The following RFC3 variants were observed in gnomAD, a reference collection of about 807,000 sequenced individuals.
RFC3 encodes replication factor C subunit 3.
In RFC3, 41 loss-of-function variants were observed where a neutral mutation model predicts 45.1. The ratio of observed to expected loss-of-function variants is 0.91; its 90% CI spans 0.71 to 1.18. The LOEUF is 1.18. RFC3 is among the 50% of genes most tolerant of loss of function. RFC3 has a pLI of 0.00. For missense variants in RFC3, 423 were observed against 428.1 expected (o/e 0.99, Z 0.10); for synonymous variants, 149 against 144.0 (o/e 1.03, Z -0.25).
At chr13:33,938,015 G>A (rs369905080) in intron 8 of RFC3, among the ~76,000 whole-genome samples, 1 of 151,908 alleles carries the variant, frequency 6.6e-6, no homozygotes, top group Non-Finnish European at 1.5e-5. Context: ...AGAGAAGCAC[G>A]CCATGGGCTG....
intron 8 of RFC3, among the ~76,000 whole-genome samples, chr13:33,961,170 C>T (rs1387056188): frequency 2.0e-5 from 3 of 152,130 alleles, no homozygotes; most frequent in Non-Finnish European, 4.4e-5. Context: ...TCTGGCCACC[C>T]CGCCTATTAC....
chr13:33,945,124 G>T (rs1256993031), intron 8 of RFC3, among the ~76,000 whole-genome samples: 1 of 152,138 alleles, frequency 6.6e-6, no homozygotes, highest in East Asian at 1.9e-4. Context: ...TTAACATCCT[G>T]CTTTCTGATC....
chr13:33,946,246 T>C (rs1344304035), intron 8 of RFC3, among the ~76,000 whole-genome samples: 1 of 152,202 alleles, frequency 6.6e-6, no homozygotes, highest in Non-Finnish European at 1.5e-5. Context: ...TCCATCGTTA[T>C]CAAATAAATG....
At chr13:33,826,622 TA>T (rs1326119838) in intron 4 of RFC3, among the ~76,000 whole-genome samples, 1 of 152,200 alleles carries the variant, frequency 6.6e-6, no homozygotes, top group Non-Finnish European at 1.5e-5. Context: ...TATTTTTTGC[TA>T]CTATATATGG....
chr13:33,873,328 T>C (rs774895676), intron 8 of RFC3, among the ~76,000 whole-genome samples: 2 of 152,136 alleles, frequency 1.3e-5, no homozygotes, highest in African/African-American at 2.4e-5. Flanking sequence ...GTTGCACCCA[T>C]TTTACAGATT....
downstream of RFC3, among the ~76,000 whole-genome samples, chr13:33,969,137 T>C (rs1032904298): frequency 3.3e-5 from 5 of 152,248 alleles, no homozygotes; most frequent in African/African-American, 1.2e-4. Flanking sequence ...ATCTGTACTT[T>C]GATTGCCTTC....
intron 8 of RFC3, among the ~76,000 whole-genome samples, chr13:33,919,996 A>G (rs2082757789): frequency 6.6e-6 from 1 of 152,182 alleles, no homozygotes; most frequent in Non-Finnish European, 1.5e-5. Flanking sequence ...GGTGGCAGGC[A>G]TATAAAAGAT....
At chr13:33,858,985 C>T (rs74401277) in intron 8 of RFC3, among the ~76,000 whole-genome samples, 4 of 152,150 alleles carry the variant, frequency 2.6e-5, no homozygotes, top group East Asian at 3.9e-4. Flanking sequence ...CACACTCAGT[C>T]GTATGTGTCC....
intron 2 of RFC3, 76 bp downstream of exon 2, chr13:33,821,345 A>C: frequency 7.2e-7 from 1 of 1,387,670 alleles, no homozygotes; most frequent in Non-Finnish European, 1.0e-6. Flanking sequence ...TGTCCCCCCA[A>C]CTCAGTTGCT....
At chr13:33,916,775 C>T (rs1333662489) in intron 8 of RFC3, among the ~76,000 whole-genome samples, 1 of 148,418 alleles carries the variant, frequency 6.7e-6, no homozygotes, top group East Asian at 1.9e-4. Context: ...CATGTACATA[C>T]ACATATATAC....
intron 8 of RFC3, among the ~76,000 whole-genome samples, chr13:33,844,930 G>A (rs1030174777): frequency 1.3e-5 from 2 of 152,168 alleles, no homozygotes; most frequent in African/African-American, 4.8e-5. Flanking sequence ...CTTTCAGAGC[G>A]AAGAAATCCC....
chr13:33,839,439 T>C (rs1259114729), downstream of RFC3, among the ~76,000 whole-genome samples: 1 of 152,170 alleles, frequency 6.6e-6, no homozygotes, highest in Non-Finnish European at 1.5e-5. Context: ...AAGCTACATT[T>C]TTTACTGGCC....
chr13:33,874,127 G>A (rs1309460031), intron 8 of RFC3, among the ~76,000 whole-genome samples: 4 of 152,158 alleles, frequency 2.6e-5, no homozygotes, highest in Non-Finnish European at 5.9e-5. Flanking sequence ...CACATAAAGA[G>A]AGAAGTTGCA....
intron 8 of RFC3, among the ~76,000 whole-genome samples, chr13:33,898,377 T>C (rs2082615340): frequency 6.6e-6 from 1 of 151,916 alleles, no homozygotes; most frequent in Non-Finnish European, 1.5e-5. Context: ...CACAAACATG[T>C]GTACATTAAA....
intron 8 of RFC3, among the ~76,000 whole-genome samples, chr13:33,950,259 T>C (rs1182754021): frequency 1.3e-5 from 2 of 152,166 alleles, no homozygotes; most frequent in Non-Finnish European, 2.9e-5. Flanking sequence ...ATAAAAGTGG[T>C]TTTTAAAATT....
chr13:33,923,997 T>C (rs2082785920), intron 8 of RFC3, among the ~76,000 whole-genome samples: 1 of 152,142 alleles, frequency 6.6e-6, no homozygotes, highest in African/African-American at 2.4e-5. Context: ...AAGCTTTCTT[T>C]GTCAGGGCTG....
At chr13:33,835,085 G>A (rs2082140626) in intron 7 of RFC3, 63 bp from the exon 8 acceptor site, 9 of 1,005,966 alleles carry the variant, frequency 8.9e-6, no homozygotes, top group East Asian at 2.4e-5. Context: ...ACCATACAGT[G>A]GGAATTTGGA....
chr13:33,904,209 T>A (rs1384285309), intron 8 of RFC3, among the ~76,000 whole-genome samples: 1 of 152,080 alleles, frequency 6.6e-6, no homozygotes. Context: ...GGTAGACACT[T>A]AGAAAATATT....
chr13:33,865,541 A>G (rs2082367745), intron 8 of RFC3, among the ~76,000 whole-genome samples: 1 of 152,212 alleles, frequency 6.6e-6, no homozygotes, highest in Non-Finnish European at 1.5e-5. Context: ...ATTCTGAGGA[A>G]GCTCTACCAA....
Sources: allele counts gnomAD v4.1 joint callset (sites outside exome capture counted in the v4.1 genomes callset), GRCh38; gene constraint gnomAD v4.1.1; transcripts MANE v1.5; gene names NCBI Gene and HGNC (gene_info 2026-07-23, HGNC 2026-07-21).